Variants in SPSB1 observed in about 807,000 individuals in gnomAD.
The protein encoded by SPSB1 is splA/ryanodine receptor domain and SOCS box containing 1.
In SPSB1, 8 loss-of-function variants were observed where a neutral mutation model predicts 21.2. The ratio of observed to expected loss-of-function variants is 0.38; its 90% CI spans 0.22 to 0.68. SPSB1 has a LOEUF of 0.68. Among genes scored for constraint, SPSB1 ranks in the 30% least tolerant of loss-of-function variants. The probability of loss-of-function intolerance (pLI) is 0.53; values close to 1 mark genes in which losing one functional copy is unlikely to be tolerated. For missense variants in SPSB1, 242 were observed against 377.8 expected, an observed-to-expected ratio of 0.64 and a Z score of 2.98; for synonymous variants, 169 against 161.7, an observed-to-expected ratio of 1.05 and a Z score of -0.34.
intron 1 of SPSB1, among the ~76,000 whole-genome samples, chr1:9,336,601 G>A (rs11121374): frequency 0.75 from 114,103 of 152,106 alleles, 45,590 homozygotes; most frequent in Non-Finnish European, 0.9. Context: ...GCCCGCGTGC[G>A]TTCAAGGAAG....
intron 1 of SPSB1, among the ~76,000 whole-genome samples, chr1:9,302,558 G>A (rs144184760): frequency 9.9e-4 from 151 of 152,260 alleles, no homozygotes; most frequent in African/African-American, 3.2e-3. Context: ...CTTCTCCTGC[G>A]CTTGGATGTC....
chr1:9,340,285 G>A lies in SPSB1; in HGVS notation c.-149-15458G>A, dbSNP rs148774372. Among the ~76,000 whole-genome samples, 14 of 152,316 alleles carry A rather than the reference G, an allele frequency of 9.2e-5. No homozygotes were observed. In the South Asian group the frequency reaches 1.9e-3, roughly 20 times the overall value. The stretch of plus-strand genomic sequence containing the variant: ...GTCAATCAGCAGAGGAGGGGCCTGG[G>A]GGGGAAGGCAGGGACACTGGTGTTT... On this transcript the variant is annotated intron_variant, in intron 1 of 2. Coordinates refer to ENST00000328089, the MANE Select transcript of SPSB1 (RefSeq NM_025106.4).
rs1252204663 is a variant in SPSB1 at position 9,346,236 on chromosome 1, A to C, written c.-149-9507A>C. Among the ~76,000 whole-genome samples, 1 of 152,250 alleles carries C rather than the reference A, an allele frequency of 6.6e-6. No homozygotes were observed. The highest frequency in any genetic ancestry group is 1.5e-5 in the Non-Finnish European group (1 of 68,044). ...ACTTACGTGATCTTCAGGTGAAAGG[A>C]GGCTTTATAAATAGGTCACCTTGTT... On this transcript the variant is annotated intron_variant, in intron 1 of 2. Transcript: ENST00000328089. The surrounding 1 kb of genome is among the most constrained non-coding windows in gnomAD (Gnocchi z 4.4).
chr1:9,365,673 G>A (rs1640558641), intron 2 of SPSB1, among the ~76,000 whole-genome samples: 1 of 152,146 alleles, frequency 6.6e-6, no homozygotes, highest in East Asian at 1.9e-4. Context: ...GTAGTGTTTG[G>A]TCTTCAGTAA....
intron 1 of SPSB1, among the ~76,000 whole-genome samples, chr1:9,307,936 C>T (rs1018680824): frequency 1.1e-4 from 16 of 152,226 alleles, no homozygotes; most frequent in African/African-American, 3.6e-4. Context: ...AACTGTGATG[C>T]CAGAGGTGCC....
rs775591521 is a variant in SPSB1 at position 9,356,185 on chromosome 1, C to T, written c.294C>T (p.His98=). ...RGKVGYTRGL[H]VWQITWAMRQ... ...AAGTCGGGTATACCCGTGGGCTGCA[C>T]GTGTGGCAGATCACGTGGGCCATGA... The change falls in exon 2 of 3, where the codon CAC becomes CAT. Residue 98 remains histidine (H), a synonymous_variant. Coordinates refer to ENST00000328089, the MANE Select transcript of SPSB1 (RefSeq NM_025106.4). This position sits in a 1 kb window ranked among gnomAD's most constrained non-coding sequence, Gnocchi z 7.4. 19 of 1,587,162 alleles carry T rather than the reference C, an allele frequency of 1.2e-5. No homozygotes were observed. In the Middle Eastern group the frequency reaches 2.0e-3, roughly 168 times the overall value.
chr1:9,361,254 C>G (rs1321971118), intron 2 of SPSB1, among the ~76,000 whole-genome samples: 2 of 147,410 alleles, frequency 1.4e-5, no homozygotes, highest in African/African-American at 5.1e-5. Context: ...CCTCCTGCCT[C>G]GGTCTTCCAA....
At chr1:9,295,207 TGAGAGTGTGA>T (rs1159320964) in intron 1 of SPSB1, among the ~76,000 whole-genome samples, 24,954 of 91,200 alleles carry the variant, frequency 0.27, 2,346 homozygotes, top group South Asian at 0.36. Context: ...TGTGTGTGTG[TGAGAGTGTGA>T]GTGTGTGTGT....
At chr1:9,366,956 C>T (rs142734600) in intron 2 of SPSB1, among the ~76,000 whole-genome samples, 40 of 152,342 alleles carry the variant, frequency 2.6e-4, no homozygotes, top group African/African-American at 8.7e-4. Context: ...GAAGCTAGTG[C>T]TGGGGGTGCG....
intron 1 of SPSB1, among the ~76,000 whole-genome samples, chr1:9,330,330 C>T (rs1569608621): frequency 2.0e-5 from 3 of 152,096 alleles, no homozygotes; most frequent in Admixed American, 6.6e-5. Flanking sequence ...CAAAATTAGT[C>T]GGGCGTGGTG....
At chr1:9,349,259 C>T (rs1190712119) in intron 1 of SPSB1, among the ~76,000 whole-genome samples, 2 of 152,250 alleles carry the variant, frequency 1.3e-5, no homozygotes, top group East Asian at 1.9e-4. Flanking sequence ...CCGTTTTTCG[C>T]TCCTCTCTGC....
At chr1:9,309,593 A>T (rs1227075935) in intron 1 of SPSB1, among the ~76,000 whole-genome samples, 1 of 152,174 alleles carries the variant, frequency 6.6e-6, no homozygotes, top group African/African-American at 2.4e-5. Context: ...CTGTAATCTC[A>T]GCACTTTGGG....
At chr1:9,327,977 C>T (rs114235733) in intron 1 of SPSB1, among the ~76,000 whole-genome samples, 3 of 152,348 alleles carry the variant, frequency 2.0e-5, no homozygotes, top group African/African-American at 4.8e-5. Context: ...AAGTGCAAGC[C>T]GCTGACCTTG....
intron 1 of SPSB1, among the ~76,000 whole-genome samples, chr1:9,299,759 A>G (rs1340922611): frequency 6.6e-6 from 1 of 151,728 alleles, no homozygotes; most frequent in Non-Finnish European, 1.5e-5. Flanking sequence ...GATTACAGGC[A>G]TGAGCCACTG....
chr1:9,300,984 A>G (rs976462989), intron 1 of SPSB1, among the ~76,000 whole-genome samples: 3 of 152,226 alleles, frequency 2.0e-5, no homozygotes, highest in African/African-American at 4.8e-5. Context: ...GCAGCACTAT[A>G]GCCCCTTGCT....
intron 1 of SPSB1, among the ~76,000 whole-genome samples, chr1:9,309,381 G>T (rs111476890): frequency 6.6e-6 from 1 of 151,378 alleles, no homozygotes; most frequent in African/African-American, 2.4e-5. Flanking sequence ...GCAGTGGTGC[G>T]GTCACAGCTC....
At chr1:9,340,096 G>C (rs504358) in intron 1 of SPSB1, among the ~76,000 whole-genome samples, 67,131 of 152,044 alleles carry the variant, frequency 0.44, 15,083 homozygotes, top group Middle Eastern at 0.5. Context: ...AAGCTCCTGG[G>C]TGATGGTCTG....
In SPSB1 at chr1:9,293,943, T is replaced by A. The variant is rs1639164437; in HGVS notation, c.-150+872T>A. Among the ~76,000 whole-genome samples the A allele has an allele frequency of 1.3e-5, 2 of 152,086 alleles. No homozygotes were observed. Among genetic ancestry groups the A allele is most frequent in the Non-Finnish European group, 2.9e-5 (2 of 67,994 alleles). ...ATGTGGGTGTGTGTGTGAGTGTGTC[T>A]CTAAGTGCATCTGTGTATTTATGTG... On this transcript the variant is annotated intron_variant, in intron 1 of 2. Transcript: ENST00000328089. The surrounding 1 kb of genome is among the most constrained non-coding windows in gnomAD (Gnocchi z 5.1).
intron 1 of SPSB1, among the ~76,000 whole-genome samples, chr1:9,325,629 A>C (rs566550864): frequency 6.6e-6 from 1 of 152,252 alleles, no homozygotes; most frequent in South Asian, 2.1e-4. Flanking sequence ...CCAGCCCCTG[A>C]GGCACAGTGT....
Sources: allele counts gnomAD v4.1 joint callset (sites outside exome capture counted in the v4.1 genomes callset), GRCh38; gene constraint gnomAD v4.1.1; non-coding constraint Gnocchi (gnomAD v3.1); transcripts MANE v1.5; gene names NCBI Gene and HGNC (gene_info 2026-07-23, HGNC 2026-07-21).